Variants in MVB12B observed in about 807,000 individuals in gnomAD.
MVB12B encodes multivesicular body subunit 12B, also known as ESCRT-I complex subunit MVB12B.
MVB12B carries 16 observed loss-of-function variants against 41.6 expected under a neutral mutation model. The observed-to-expected ratio is 0.38, with a 90% CI of 0.26 to 0.58. The LOEUF (loss-of-function observed/expected upper bound fraction) is 0.58. MVB12B is among the 20% of genes least tolerant of loss of function. The pLI, the probability that MVB12B is intolerant of heterozygous loss-of-function variation, is 0.62. For missense variants in MVB12B, 274 were observed against 380.2 expected (o/e 0.72, Z 2.32); for synonymous variants, 133 against 139.7 (o/e 0.95, Z 0.34).
chr9:126,477,537 A>G (rs1451613451), intron 7 of MVB12B, among the ~76,000 whole-genome samples: 3 of 152,188 alleles, frequency 2.0e-5, no homozygotes, highest in Non-Finnish European at 4.4e-5. Flanking sequence ...GCAGAAGGCA[A>G]AGGAGGAGCA....
rs1443824410 is a variant in MVB12B at position 126,473,866 on chromosome 9, C to G, written c.758-7503C>G. 6.6e-6 allele frequency among the ~76,000 whole-genome samples: 1 copy of G among 152,194 alleles called. No individual in the cohort carries two copies. The highest frequency in any genetic ancestry group is 1.5e-5 in the Non-Finnish European group (1 of 68,034). ...ATGTTGAGGCTTGAGTTATTTGATGCCTGTTCACCACCTTGTGTATGGGCA... is the reference window on the plus strand; with the variant it reads ...ATGTTGAGGCTTGAGTTATTTGATGGCTGTTCACCACCTTGTGTATGGGCA... On this transcript the variant is annotated intron_variant, in intron 7 of 9. Transcript: ENST00000361171. This position sits in a 1 kb window ranked among gnomAD's most constrained non-coding sequence, Gnocchi z 4.0.
chr9:126,385,840 G>A lies in MVB12B; in HGVS notation c.313-722G>A, dbSNP rs543909719. 5.3e-5 allele frequency among the ~76,000 whole-genome samples: 8 copies of A among 152,310 alleles called. No homozygotes were observed. In the South Asian group the frequency reaches 1.2e-3, roughly 24 times the overall value. On this transcript the variant is annotated intron_variant, in intron 3 of 9. Transcript: ENST00000361171. The stretch of plus-strand genomic sequence containing the variant: ...TTAGAGCTCATTTCCAGCTTGAAAT[G>A]TGGGCTGCAAGTGCTGGCGTGTTTG...
chr9:126,427,713 C>T (rs973170097), intron 7 of MVB12B, among the ~76,000 whole-genome samples: 1 of 152,200 alleles, frequency 6.6e-6, no homozygotes, highest in African/African-American at 2.4e-5. Flanking sequence ...CCTATGAATG[C>T]AGGGTGAGCC....
intron 6 of MVB12B, among the ~76,000 whole-genome samples, chr9:126,399,300 C>G (rs1188797529): frequency 6.6e-6 from 1 of 152,250 alleles, no homozygotes; most frequent in East Asian, 1.9e-4. Flanking sequence ...GACCCAGAGC[C>G]TCTCCATATC....
At chr9:126,359,598 A>G (rs1477324067) in intron 2 of MVB12B, among the ~76,000 whole-genome samples, 3 of 152,190 alleles carry the variant, frequency 2.0e-5, no homozygotes, top group Non-Finnish European at 4.4e-5. Flanking sequence ...CAGGTTATCT[A>G]TTCTTAAATG....
At chr9:126,463,681 T>C (rs10739675) in intron 7 of MVB12B, among the ~76,000 whole-genome samples, 100,417 of 151,964 alleles carry the variant, frequency 0.66, 33,704 homozygotes, top group East Asian at 0.97. Context: ...AGGGGTCACC[T>C]CCCAGCCTGA....
In MVB12B at chr9:126,480,117, T is replaced by C. The variant is rs1435214669; in HGVS notation, c.758-1252T>C. 6.6e-6 allele frequency among the ~76,000 whole-genome samples: 1 copy of C among 152,184 alleles called. No individual in the cohort carries two copies. The highest frequency in any genetic ancestry group is 1.9e-4 in the East Asian group (1 of 5,180). On this transcript the variant is annotated intron_variant, in intron 7 of 9. Transcript: ENST00000361171. This position sits in a 1 kb window ranked among gnomAD's most constrained non-coding sequence, Gnocchi z 4.9. ...CCGACGCTGCCCCCATGCTCTACCT[T>C]GCTTCCATTGTGCTCACTCCGTTTC...
At chr9:126,451,999 G>A (rs111913253) in intron 7 of MVB12B, among the ~76,000 whole-genome samples, 5 of 152,248 alleles carry the variant, frequency 3.3e-5, no homozygotes, top group African/African-American at 7.2e-5. Flanking sequence ...CCTTAGCCCC[G>A]CTCACCAGTT....
At chr9:126,396,167 G>A in intron 6 of MVB12B, 1 of 987,938 alleles carries the variant, frequency 1.0e-6, no homozygotes, top group Middle Eastern at 5.2e-4. Flanking sequence ...GTTTGGGTAT[G>A]AGAGAATAGT....
chr9:126,466,486 A>C (rs1490138154), intron 7 of MVB12B, among the ~76,000 whole-genome samples: 1 of 152,140 alleles, frequency 6.6e-6, no homozygotes, highest in East Asian at 1.9e-4. Flanking sequence ...AGAAATGACA[A>C]ATCATATTGC....
chr9:126,396,087 G>A, intron 6 of MVB12B: 1 of 1,010,962 alleles, frequency 9.9e-7, no homozygotes, highest in Non-Finnish European at 1.2e-6. Flanking sequence ...CAGGAGGGTA[G>A]GTGAGTTCTT....
intron 7 of MVB12B, among the ~76,000 whole-genome samples, chr9:126,428,273 C>T (rs1225889644): frequency 3.3e-5 from 5 of 152,070 alleles, no homozygotes; most frequent in Admixed American, 6.5e-5. Context: ...TTAATCTAGT[C>T]CTCATTTAAA....
chr9:126,336,346 A>G (rs938705425), intron 1 of MVB12B, among the ~76,000 whole-genome samples: 8 of 152,340 alleles, frequency 5.3e-5, no homozygotes, highest in Middle Eastern at 3.4e-3. Flanking sequence ...CGGGAGGCAC[A>G]CCTTTGATTC....
chr9:126,465,400 G>A (rs1370106408), intron 7 of MVB12B, among the ~76,000 whole-genome samples: 1 of 152,118 alleles, frequency 6.6e-6, no homozygotes, highest in Non-Finnish European at 1.5e-5. Context: ...TGGGGTTGGG[G>A]GTGGCAGGCA....
intron 7 of MVB12B, among the ~76,000 whole-genome samples, chr9:126,425,133 A>C (rs1173838141): frequency 6.6e-6 from 1 of 152,136 alleles, no homozygotes; most frequent in Non-Finnish European, 1.5e-5. Flanking sequence ...CTAAGCTGGG[A>C]GTGGTGGTGC....
At chr9:126,470,024 G>T (rs1353237983) in intron 7 of MVB12B, among the ~76,000 whole-genome samples, 1 of 152,196 alleles carries the variant, frequency 6.6e-6, no homozygotes, top group African/African-American at 2.4e-5. Context: ...AAAACATAAG[G>T]CCCTAGGTAC....
At chr9:126,351,666 T>C (rs1274501587) in intron 2 of MVB12B, among the ~76,000 whole-genome samples, 2 of 152,076 alleles carry the variant, frequency 1.3e-5, no homozygotes, top group African/African-American at 4.8e-5. Context: ...ATTTTTGTAC[T>C]TTTAGTAGAG....
At chr9:126,360,226 A>G (rs1829992407) in intron 2 of MVB12B, among the ~76,000 whole-genome samples, 1 of 152,002 alleles carries the variant, frequency 6.6e-6, no homozygotes, top group Non-Finnish European at 1.5e-5. Context: ...GTATTTGGGG[A>G]CTTCTAGATA....
chr9:126,436,404 G>A lies in MVB12B; in HGVS notation c.757+14456G>A, dbSNP rs1832480801. On this transcript the variant is annotated intron_variant, in intron 7 of 9. Transcript: ENST00000361171. The surrounding 1 kb of genome is among the most constrained non-coding windows in gnomAD (Gnocchi z 4.1). Reference sequence around the variant, plus strand: ...AGCAGCAGTTCTTATGCTAAAAACAGATTAATTGTAGCCCTCGCAGTGGGT... The same window carrying A: ...AGCAGCAGTTCTTATGCTAAAAACAAATTAATTGTAGCCCTCGCAGTGGGT... Among the ~76,000 whole-genome samples, 1 of 152,224 alleles carries A rather than the reference G, an allele frequency of 6.6e-6. No individual in the cohort carries two copies.
Sources: gnomAD v4.1 joint callset for allele counts (sites outside exome capture counted in the v4.1 genomes callset) on GRCh38, gnomAD v4.1.1 for gene constraint, Gnocchi (gnomAD v3.1) non-coding constraint, MANE v1.5 for transcripts, NCBI Gene and HGNC (gene_info 2026-07-23, HGNC 2026-07-21) for gene names.